Variants in DMD observed in about 807,000 individuals in gnomAD.
DMD encodes dystrophin, also known as mutant dystrophin.
Under a neutral mutation model 330.1 loss-of-function variants are expected in DMD, and 63 were observed. The ratio of observed to expected loss-of-function variants is 0.19; its 90% confidence interval spans 0.16 to 0.24. The LOEUF (loss-of-function observed/expected upper bound fraction) is 0.24, where lower values mean the gene tolerates loss of function less well. Ranked by LOEUF, DMD falls within the 10% of genes least tolerant of loss-of-function variation. DMD has a pLI of 1.00. For synonymous variants in DMD, 1,223 were observed against 959.8 expected, an observed-to-expected ratio of 1.27 and a Z score of -5.07; for missense variants, 3,344 against 2,684.1, an observed-to-expected ratio of 1.25 and a Z score of -5.43.
intron 7 of DMD, among the ~76,000 whole-genome samples, chrX:32,722,503 C>A (rs2066432390): frequency 9.1e-6 from 1 of 110,193 alleles, no homozygotes; most frequent in Non-Finnish European, 1.9e-5. Flanking sequence ...TCCTGGAACC[C>A]ATGTCCCGTG....
At chrX:32,644,438 T>C (rs1034980144) in intron 10 of DMD, 125 bp from the exon 11 acceptor site, 49 of 755,641 alleles carry the variant, frequency 6.5e-5, no homozygotes, top group Non-Finnish European at 8.6e-5. Context: ...GTAAAAGGAA[T>C]TTAATTTGTA....
intron 44 of DMD, among the ~76,000 whole-genome samples, chrX:32,173,128 C>T (rs1277662185): frequency 1.0e-5 from 1 of 97,536 alleles, no homozygotes; most frequent in African/African-American, 4.1e-5. Flanking sequence ...TTTACATTTT[C>T]AGCAGCATGT....
At chrX:31,193,691 C>G (rs1229772092) in intron 67 of DMD, among the ~76,000 whole-genome samples, 1 of 111,631 alleles carries the variant, frequency 9.0e-6, no homozygotes, top group Non-Finnish European at 1.9e-5. Flanking sequence ...TAGACACCAC[C>G]TTAACATTCT....
chrX:31,627,244 CAT>C (rs1218146820), intron 55 of DMD, among the ~76,000 whole-genome samples: 9 of 112,900 alleles, frequency 8.0e-5, no homozygotes, highest in African/African-American at 1.3e-4. Flanking sequence ...CATTTCAAAA[CAT>C]ATTTGAAAGT....
At chrX:31,687,224 C>T (rs1263578503) in intron 52 of DMD, among the ~76,000 whole-genome samples, 1 of 111,306 alleles carries the variant, frequency 9.0e-6, no homozygotes, top group African/African-American at 3.3e-5. Flanking sequence ...TCATAGGTCA[C>T]CCAGCAAATT....
chrX:31,914,040 G>C (rs894950707), intron 47 of DMD, among the ~76,000 whole-genome samples: 3 of 112,246 alleles, frequency 2.7e-5, no homozygotes, highest in African/African-American at 6.5e-5. Flanking sequence ...CTTTGATGGT[G>C]GGATTACATA....
At chrX:31,133,938 C>A (rs900474867) in intron 77 of DMD, among the ~76,000 whole-genome samples, 164 bp downstream of exon 77, 1 of 112,316 alleles carries the variant, frequency 8.9e-6, no homozygotes. Context: ...GTACTCTAAA[C>A]CACAAATTCA....
chrX:32,618,694 T>G (rs2057769642), intron 11 of DMD, among the ~76,000 whole-genome samples: 1 of 111,134 alleles, frequency 9.0e-6, no homozygotes, highest in Non-Finnish European at 1.9e-5. Context: ...GATATCTTTG[T>G]CAAAAGAAAA....
intron 57 of DMD, among the ~76,000 whole-genome samples, chrX:31,496,082 A>G (rs2147066096): frequency 8.9e-6 from 1 of 112,136 alleles, no homozygotes; most frequent in South Asian, 3.7e-4. Context: ...GATGAAAAGA[A>G]ACAGGGTGAA....
chrX:32,501,959 C>T (rs764481488), intron 18 of DMD, 117 bp from the exon 19 acceptor site: 35 of 549,368 alleles, frequency 6.4e-5, no homozygotes, highest in African/African-American at 3.7e-4. Flanking sequence ...CAGCTTATCA[C>T]GTGAATCTAA....
At chrX:32,115,440 G>A (rs989635236) in intron 44 of DMD, among the ~76,000 whole-genome samples, 1 of 110,747 alleles carries the variant, frequency 9.0e-6, no homozygotes, top group African/African-American at 3.3e-5. Flanking sequence ...GCGAGGTCTC[G>A]CTGTGTTACC....
rs1347293774 is a variant in DMD at position 32,610,732 on chromosome X, C to T, written c.1482+3571G>A. ...GATGGCACAAGGATTTAATGTCTAT[C>T]TACACAAAGCTAAAAATAAATATTA... On this transcript the variant is annotated intron_variant, in intron 12 of 78. Transcript: ENST00000357033. Among the ~76,000 whole-genome samples, 4 of 111,050 alleles carry T rather than the reference C, an allele frequency of 3.6e-5. No homozygotes were observed. The East Asian group carries it at 1.1e-3, about 32-fold the overall frequency.
chrX:32,297,691 C>T (rs1267844033), intron 42 of DMD, among the ~76,000 whole-genome samples: 1 of 111,704 alleles, frequency 9.0e-6, no homozygotes, highest in Non-Finnish European at 1.9e-5. Flanking sequence ...AATGACTAAA[C>T]TATATACTCA....
intron 4 of DMD, among the ~76,000 whole-genome samples, chrX:32,838,919 T>A (rs1371768130): frequency 8.9e-6 from 1 of 112,142 alleles, no homozygotes; most frequent in Non-Finnish European, 1.9e-5. Context: ...GCAATCCTGT[T>A]ACTGGGTATA....
intron 44 of DMD, among the ~76,000 whole-genome samples, chrX:32,095,131 TGAA>T (rs1260341880): frequency 9.0e-6 from 1 of 111,377 alleles, no homozygotes; most frequent in African/African-American, 3.3e-5. Context: ...CTTCCAGAGG[TGAA>T]GAAACAGGCC....
At chrX:33,051,603 AT>A in intron 1 of DMD, among the ~76,000 whole-genome samples, 1 of 100,398 alleles carries the variant, frequency 1.0e-5, no homozygotes, top group South Asian at 4.3e-4. Flanking sequence ...TAAGGAAAGT[AT>A]TTTTTCCCTT....
chrX:32,542,363 C>T (rs781334689), intron 17 of DMD, among the ~76,000 whole-genome samples: 4 of 111,626 alleles, frequency 3.6e-5, no homozygotes, highest in East Asian at 2.8e-4. Context: ...AACCAGGAGG[C>T]GGAGGTTGCA....
At chrX:31,228,227 G>A (rs1327586562) in intron 63 of DMD, among the ~76,000 whole-genome samples, 24 of 96,934 alleles carry the variant, frequency 2.5e-4, no homozygotes, top group Non-Finnish European at 3.9e-4. Context: ...TGCACAATGT[G>A]CACATGTACC....
At chrX:31,505,800 A>G (rs1364149388) in intron 56 of DMD, among the ~76,000 whole-genome samples, 3 of 110,201 alleles carry the variant, frequency 2.7e-5, no homozygotes, top group Non-Finnish European at 3.8e-5. Context: ...TGCCCAGCTA[A>G]TTTTTGTATT....
Sources: allele counts gnomAD v4.1 joint callset (sites outside exome capture counted in the v4.1 genomes callset), GRCh38; gene constraint gnomAD v4.1.1; transcripts MANE v1.5; gene names NCBI Gene and HGNC (gene_info 2026-07-23, HGNC 2026-07-21).